Variants in ADD2 observed in about 807,000 individuals in gnomAD.
ADD2 encodes the protein adducin 2, also known as beta-adducin.
ADD2 carries 23 observed loss-of-function variants against 83.0 expected under a neutral mutation model. The ratio of observed to expected loss-of-function variants is 0.28; its 90% CI spans 0.20 to 0.39. ADD2 has a LOEUF of 0.39. Ranked by LOEUF, ADD2 falls within the 10% of genes least tolerant of loss-of-function variation. The pLI is 1.00. For synonymous variants in ADD2, 375 were observed against 375.4 expected (o/e 1.00, Z 0.01); for missense variants, 758 against 944.9 (o/e 0.80, Z 2.59).
At chr2:70,689,190 CTCAG>C (rs1670899833) in intron 8 of ADD2, among the ~76,000 whole-genome samples, 1 of 152,234 alleles carries the variant, frequency 6.6e-6, no homozygotes, top group Non-Finnish European at 1.5e-5. Context: ...ATGTTTTAGA[CTCAG>C]TCAGGGAAAG....
rs782410218 is a variant in ADD2 at position 70,672,880 on chromosome 2, T to C, written c.1868A>G (p.Glu623Gly). Residue 623 changes from glutamate to glycine, a missense_variant and splice_region_variant, in exon 15 of 16, where the codon GAG becomes GGG. Physicochemically the swap from Glu to Gly is moderately conservative, Grantham distance 98. This residue lies in a region of ADD2 where 165 missense variants were observed against 176.2 expected (regional missense o/e 0.94). Transcript: ENST00000264436. The part of the protein sequence containing the change: ...SPLVSPSKSL[E>G]EGTKKTETSK... ...CCAGCCTACTCAGCTGGACTCACCC[T>C]CTAAAGACTTGGAAGGAGAGACTAA... is the stretch of plus-strand genomic sequence containing the variant. 6.2e-7 allele frequency: 1 copy of C among 1,611,702 alleles called. No individual in the cohort carries two copies. The highest frequency in any genetic ancestry group is 1.1e-5 in the South Asian group (1 of 90,378).
In ADD2 at chr2:70,678,556, C is replaced by T. The variant is rs550256852; in HGVS notation, c.1383+148G>A. The T allele has an allele frequency of 3.2e-5, 38 of 1,187,892 alleles. No individual in the cohort carries two copies. The East Asian group carries it at 9.4e-4, about 29-fold the overall frequency. 73.6% of individuals were successfully genotyped at this position (1,187,892 alleles called of 1,614,324 possible). Reference sequence around the variant, plus strand: ...TCAGGGGCTCAGTGGGCCTGAGCAGCTGCTCCCAGAGGCCTAATAGGAAGC... The same window carrying T: ...TCAGGGGCTCAGTGGGCCTGAGCAGTTGCTCCCAGAGGCCTAATAGGAAGC... On this transcript the variant is annotated intron_variant, in intron 11 of 15. Transcript: ENST00000264436.
intron 10 of ADD2, 74 bp from the exon 11 acceptor site, chr2:70,679,035 C>G (rs782692224): frequency 1.3e-6 from 2 of 1,488,776 alleles, no homozygotes; most frequent in Non-Finnish European, 1.8e-6. Context: ...TGCACACACA[C>G]CTTTCCTTCC....
At chr2:70,678,002 A>C in intron 11 of ADD2, 125 bp from the exon 12 acceptor site, 1 of 1,294,718 alleles carries the variant, frequency 7.7e-7, no homozygotes. Context: ...ACTCATAGAC[A>C]CTCTCTCTTC....
rs555813260 is a variant in ADD2 at position 70,686,867 on chromosome 2, C to A, written c.948+1157G>T. On this transcript the variant is annotated intron_variant, in intron 9 of 15. Coordinates refer to ENST00000264436, the MANE Select transcript of ADD2 (RefSeq NM_001617.4). ...TTCACAGCTATCCTCACCACATATCCTTTTAAAACGATTGAAAAGGTCCCA... is the reference window on the plus strand; with the variant it reads ...TTCACAGCTATCCTCACCACATATCATTTTAAAACGATTGAAAAGGTCCCA... Among the ~76,000 whole-genome samples, 230 of 152,300 alleles carry A rather than the reference C, an allele frequency of 1.5e-3. 2 individuals carry two copies. Among genetic ancestry groups the A allele is most frequent in the African/African-American group, 5.3e-3 (220 of 41,554 alleles).
intron 4 of ADD2, among the ~76,000 whole-genome samples, chr2:70,702,897 T>A (rs1574263672): frequency 6.6e-6 from 1 of 151,272 alleles, no homozygotes. Context: ...GAGACCGGGG[T>A]GGGTGGATCA....
intron 1 of ADD2, among the ~76,000 whole-genome samples, chr2:70,747,426 C>CCA (rs1553382212): frequency 5.1e-5 from 7 of 138,430 alleles, no homozygotes; most frequent in Admixed American, 4.3e-4. Context: ...ATGTGCTCTC[C>CCA]CATCATGCCA....
At chr2:70,727,110 G>A (rs1451725055) in intron 1 of ADD2, among the ~76,000 whole-genome samples, 2 of 152,206 alleles carry the variant, frequency 1.3e-5, no homozygotes, top group Non-Finnish European at 2.9e-5. Flanking sequence ...CGCTCCGTGG[G>A]AAGAATGCTA....
chr2:70,673,180 T>A, intron 14 of ADD2, 174 bp from the exon 15 acceptor site: 1 of 1,589,912 alleles, frequency 6.3e-7, no homozygotes, highest in Non-Finnish European at 8.6e-7. Context: ...TTTCTGCTAC[T>A]TCCCTGGGAA....
chr2:70,669,885 C>G (rs1435990134), intron 15 of ADD2, among the ~76,000 whole-genome samples: 5 of 152,178 alleles, frequency 3.3e-5, no homozygotes, highest in African/African-American at 1.2e-4. Flanking sequence ...GACAGACAGA[C>G]AGACAGACAC....
intron 6 of ADD2, among the ~76,000 whole-genome samples, chr2:70,694,666 T>C (rs968882217): frequency 7.9e-5 from 12 of 152,126 alleles, no homozygotes; most frequent in African/African-American, 4.8e-5. Flanking sequence ...CTAAGTCTGC[T>C]TACCCCGCTG....
intron 2 of ADD2, among the ~76,000 whole-genome samples, chr2:70,708,350 A>G (rs11126288): frequency 0.38 from 58,520 of 152,044 alleles, 13,034 homozygotes; most frequent in African/African-American, 0.63. Flanking sequence ...GCACAATAGC[A>G]TCACCTGGGA....
Position 70,663,480 on chromosome 2 carries a change from A to C in ADD2, c.2126T>G (p.Phe709Cys). The change falls in exon 16 of 16, where the codon TTC becomes TGC. Residue 709 changes from phenylalanine to cysteine, a missense_variant. Phe to Cys is a radical substitution (Grantham distance 205). Transcript: ENST00000264436. ...SKSPSKKKKK[F>C]RTPSFLKKSK... is the part of the protein sequence containing the mutation. ...CTTTTTCAGGAAGGAGGGGGTTCGG[A>C]ATTTCTTTTTCTTCTTTGAGGGAGA... 6.2e-7 allele frequency: 1 copy of C among 1,613,880 alleles called. No homozygotes were observed. The highest frequency in any genetic ancestry group is 8.5e-7 in the Non-Finnish European group (1 of 1,179,952).
At chr2:70,678,329 C>T (rs1670282063) in intron 11 of ADD2, among the ~76,000 whole-genome samples, 1 of 152,194 alleles carries the variant, frequency 6.6e-6, no homozygotes, top group Admixed American at 6.5e-5. Flanking sequence ...AGTGGCTGTA[C>T]AGCCCACCTC....
rs146459483 is a variant in ADD2, at chr2:70,700,383, T to G, written c.322+3938A>C. ...AGAAAAATAAAGTCCAAACAGCAAC[T>G]GCAAGCTATTTAGAAATTAACAATA... On this transcript the variant is annotated intron_variant, in intron 4 of 15. Coordinates refer to ENST00000264436, the MANE Select transcript of ADD2 (RefSeq NM_001617.4). Among the ~76,000 whole-genome samples the G allele has an allele frequency of 9.2e-3, 1,403 of 152,222 alleles. 17 individuals are homozygous for G. Among genetic ancestry groups the G allele is most frequent in the Admixed American group, 0.029 (443 of 15,292 alleles).
chr2:70,684,868 T>G (rs1001091728), intron 9 of ADD2, among the ~76,000 whole-genome samples: 2 of 152,210 alleles, frequency 1.3e-5, no homozygotes, highest in Non-Finnish European at 2.9e-5. Flanking sequence ...TGTGTGTATA[T>G]AGCAGGCAAT....
chr2:70,688,728 A>T (rs1400242655), intron 8 of ADD2, among the ~76,000 whole-genome samples: 1 of 152,212 alleles, frequency 6.6e-6, no homozygotes, highest in African/African-American at 2.4e-5. Flanking sequence ...CTGAGATCTC[A>T]CAGCTCTAGA....
chr2:70,695,516 C>T (rs1671262435), intron 6 of ADD2, among the ~76,000 whole-genome samples: 2 of 152,164 alleles, frequency 1.3e-5, no homozygotes, highest in Non-Finnish European at 2.9e-5. Flanking sequence ...CCTCCCACTG[C>T]ACTTGCCACC....
chr2:70,686,867 C>T (rs555813260), intron 9 of ADD2, among the ~76,000 whole-genome samples: 1 of 152,180 alleles, frequency 6.6e-6, no homozygotes, highest in Non-Finnish European at 1.5e-5. Flanking sequence ...ACCACATATC[C>T]TTTTAAAACG....
Sources: gnomAD v4.1 joint callset for allele counts (sites outside exome capture counted in the v4.1 genomes callset) on GRCh38, gnomAD v4.1.1 for gene constraint, gnomAD v4.1.1 regional missense constraint, MANE v1.5 for transcripts, NCBI Gene and HGNC (gene_info 2026-07-23, HGNC 2026-07-21) for gene names.